RASSF3: variants seen among roughly 807,000 people sequenced by gnomAD.
RASSF3 encodes Ras association domain family member 3, also known as ras association domain-containing protein 3.
Under a neutral mutation model 19.9 loss-of-function variants are expected in RASSF3, and 19 were observed. The observed-to-expected ratio is 0.96, with a 90% confidence interval of 0.67 to 1.40. RASSF3 has a LOEUF of 1.40. Ranked by LOEUF, RASSF3 falls within the 40% of genes most tolerant of loss-of-function variation. The pLI is 0.00. For missense variants in RASSF3, 306 were observed against 289.8 expected, an observed-to-expected ratio of 1.06 and a Z score of -0.41; for synonymous variants, 110 against 104.2, an observed-to-expected ratio of 1.06 and a Z score of -0.34.
intron 2 of RASSF3, among the ~76,000 whole-genome samples, chr12:64,588,740 A>G (rs930579329): frequency 6.6e-6 from 1 of 152,104 alleles, no homozygotes; most frequent in African/African-American, 2.4e-5. Flanking sequence ...CACTCTGTAT[A>G]TTTAGTTTTA....
rs1358564440 is a variant in RASSF3 at position 64,696,370 on chromosome 12, G to C, written c.*1458G>C. On this transcript the variant is annotated 3_prime_UTR_variant, in exon 5 of 5. Coordinates refer to ENST00000542104, the MANE Select transcript of RASSF3 (RefSeq NM_178169.4). The stretch of plus-strand genomic sequence containing the variant: ...GTTATTACCAACCAAAGAGATGCAT[G>C]TGCAATAGAAGCCTTCCTTAAAAAC... 4 of 152,154 alleles carry C rather than the reference G, an allele frequency of 2.6e-5. No individual in the cohort carries two copies. The highest frequency in any genetic ancestry group is 5.9e-5 in the Non-Finnish European group (4 of 68,030). The allele number at this position is 152,154 out of a possible 1,614,324, so 9.4% of individuals were successfully genotyped here.
At chr12:64,511,318 C>A (rs540257935) in intron 1 of RASSF3, among the ~76,000 whole-genome samples, 1 of 152,204 alleles carries the variant, frequency 6.6e-6, no homozygotes, top group African/African-American at 2.4e-5. Context: ...CCCGTCTCTA[C>A]TAAAAATATA....
At chr12:64,615,716 C>G (rs1340493417) in intron 1 of RASSF3, among the ~76,000 whole-genome samples, 1 of 151,550 alleles carries the variant, frequency 6.6e-6, no homozygotes, top group Non-Finnish European at 1.5e-5. Context: ...GCTTTTGTCA[C>G]CCAGGCTGGA....
chr12:64,686,039 G>C (rs1187989582), intron 2 of RASSF3, among the ~76,000 whole-genome samples: 3 of 152,152 alleles, frequency 2.0e-5, no homozygotes, highest in Non-Finnish European at 2.9e-5. Context: ...AGAAACCCTT[G>C]TGGTAAAGGA....
intron 3 of RASSF3, among the ~76,000 whole-genome samples, chr12:64,689,448 G>T (rs567729961): frequency 6.6e-6 from 1 of 152,176 alleles, no homozygotes; most frequent in Admixed American, 6.5e-5. Flanking sequence ...AACAGGCCAG[G>T]GTTCCTACCT....
chr12:64,632,674 G>A (rs1014948924), intron 1 of RASSF3, among the ~76,000 whole-genome samples: 8 of 152,008 alleles, frequency 5.3e-5, no homozygotes, highest in African/African-American at 1.9e-4. Flanking sequence ...GGAGGAAGAG[G>A]AACAGGTTTA....
chr12:64,671,157 C>G (rs1034486685), intron 1 of RASSF3, among the ~76,000 whole-genome samples: 5 of 152,284 alleles, frequency 3.3e-5, no homozygotes, highest in African/African-American at 1.2e-4. Flanking sequence ...TAATCCTGCC[C>G]TGTCTGGTTT....
At chr12:64,597,413 G>A (rs1870014666) in intron 2 of RASSF3, among the ~76,000 whole-genome samples, 1 of 151,880 alleles carries the variant, frequency 6.6e-6, no homozygotes, top group African/African-American at 2.4e-5. Context: ...TTACAGGCAT[G>A]AGCCATGGCA....
chr12:64,536,705 G>A (rs1332916718), intron 1 of RASSF3, among the ~76,000 whole-genome samples: 1 of 152,200 alleles, frequency 6.6e-6, no homozygotes, highest in Non-Finnish European at 1.5e-5. Flanking sequence ...GAATTATATA[G>A]GATTTCAGTT....
At chr12:64,684,239 C>T (rs1873250561) in intron 1 of RASSF3, among the ~76,000 whole-genome samples, 1 of 151,548 alleles carries the variant, frequency 6.6e-6, no homozygotes, top group Admixed American at 6.6e-5. Context: ...GTGTGCACCA[C>T]TGTGCCCAGC....
intron 2 of RASSF3, among the ~76,000 whole-genome samples, chr12:64,570,689 C>T (rs1034222640): frequency 5.3e-5 from 8 of 152,158 alleles, no homozygotes; most frequent in African/African-American, 1.9e-4. Flanking sequence ...CTGCGTTTCC[C>T]CCACCCCATC....
At chr12:64,574,178 G>C (rs1225684864) in intron 2 of RASSF3, among the ~76,000 whole-genome samples, 2 of 151,742 alleles carry the variant, frequency 1.3e-5, no homozygotes, top group Non-Finnish European at 2.9e-5. Flanking sequence ...GGGTGTGATG[G>C]CTGGGGCTTG....
chr12:64,687,699 A>G lies in RASSF3; in HGVS notation c.220-517A>G, dbSNP rs1445926443. The stretch of plus-strand genomic sequence containing the variant: ...TAATTCAGTGCATATGAATATAGCC[A>G]CTAGGAATGAAAATAGCCTGTTTTC... On this transcript the variant is annotated intron_variant, in intron 2 of 4. Coordinates refer to ENST00000542104, the MANE Select transcript of RASSF3 (RefSeq NM_178169.4). 2.6e-5 allele frequency among the ~76,000 whole-genome samples: 4 copies of G among 152,306 alleles called. No individual in the cohort carries two copies. In the East Asian group the frequency reaches 7.7e-4, roughly 29 times the overall value.
intron 1 of RASSF3, among the ~76,000 whole-genome samples, chr12:64,634,474 G>T (rs1871264072): frequency 6.6e-6 from 1 of 151,890 alleles, no homozygotes; most frequent in Non-Finnish European, 1.5e-5. Flanking sequence ...CTTCTTGAAG[G>T]GTTATCCACT....
chr12:64,508,776 C>T (rs937376624), intron 1 of RASSF3, among the ~76,000 whole-genome samples: 7 of 151,934 alleles, frequency 4.6e-5, no homozygotes, highest in African/African-American at 1.4e-4. Context: ...CCCAGCTACT[C>T]GGGAGGCAGA....
chr12:64,599,709 A>G (rs1205319874), intron 2 of RASSF3, among the ~76,000 whole-genome samples: 2 of 152,120 alleles, frequency 1.3e-5, no homozygotes, highest in Non-Finnish European at 2.9e-5. Flanking sequence ...AAGTGTTAGG[A>G]GGATTAAATG....
chr12:64,663,289 C>T (rs1872432123), intron 1 of RASSF3, among the ~76,000 whole-genome samples: 1 of 151,992 alleles, frequency 6.6e-6, no homozygotes, highest in Non-Finnish European at 1.5e-5. Flanking sequence ...AAGGAAGAAA[C>T]ACATTCTCAA....
At chr12:64,517,352 A>C (rs1868386254) in intron 1 of RASSF3, among the ~76,000 whole-genome samples, 2 of 151,964 alleles carry the variant, frequency 1.3e-5, no homozygotes, top group South Asian at 4.1e-4. Flanking sequence ...TCACAATTAA[A>C]ATTCAAAAAA....
intron 3 of RASSF3, among the ~76,000 whole-genome samples, 155 bp from the exon 4 acceptor site, chr12:64,691,315 G>T (rs1868275609): frequency 6.6e-6 from 1 of 152,186 alleles, no homozygotes; most frequent in African/African-American, 2.4e-5. Flanking sequence ...TCCACTGTGG[G>T]CTACTGGTAT....
Sources: allele counts gnomAD v4.1 joint callset (sites outside exome capture counted in the v4.1 genomes callset), GRCh38; gene constraint gnomAD v4.1.1; transcripts MANE v1.5; gene names NCBI Gene and HGNC (gene_info 2026-07-23, HGNC 2026-07-21).